The following RORA variants were observed in gnomAD, a reference collection of about 807,000 sequenced individuals.
RORA encodes the protein nuclear receptor ROR-alpha.
A neutral mutation model predicts 69.5 loss-of-function variants in RORA; 7 were observed. The observed-to-expected ratio is 0.10, with a 90% CI of 0.06 to 0.19. The LOEUF (loss-of-function observed/expected upper bound fraction) is 0.19, where lower values mean the gene tolerates loss of function less well. Ranked by LOEUF, RORA falls within the 10% of genes least tolerant of loss-of-function variation. The pLI, the probability that RORA is intolerant of heterozygous loss-of-function variation, is 1.00. For synonymous variants in RORA, 261 were observed against 240.8 expected (o/e 1.08, Z -0.78); for missense variants, 457 against 663.0 (o/e 0.69, Z 3.41).
intron 1 of RORA, among the ~76,000 whole-genome samples, chr15:61,228,354 C>G (rs557349072): frequency 6.6e-6 from 1 of 151,430 alleles, no homozygotes; most frequent in East Asian, 2.0e-4. Context: ...CATCTCCCCT[C>G]GCCGCGCCCG....
At chr15:60,798,579 C>G (rs1595722990) in intron 1 of RORA, among the ~76,000 whole-genome samples, 3 of 151,782 alleles carry the variant, frequency 2.0e-5, no homozygotes, top group Non-Finnish European at 2.9e-5. Context: ...GTGGGAAGAA[C>G]AGAGAGGACT....
chr15:60,776,973 A>G (rs926319428), intron 1 of RORA, among the ~76,000 whole-genome samples: 3 of 152,198 alleles, frequency 2.0e-5, no homozygotes, highest in African/African-American at 7.2e-5. Flanking sequence ...TGCTCCTCCA[A>G]GACATGAGTA....
chr15:60,920,152 A>C lies in RORA; in HGVS notation c.167-241466T>G, dbSNP rs530698125. Among the ~76,000 whole-genome samples, 8 of 152,336 alleles carry C rather than the reference A, an allele frequency of 5.3e-5. No individual in the cohort carries two copies. In the East Asian group the frequency reaches 1.5e-3, roughly 29 times the overall value. The stretch of plus-strand genomic sequence containing the variant: ...CCAAACATCCAAAGGACTTGGAGGC[A>C]GAAAAGAAAGCTTCCGGAGACCTTG... On this transcript the variant is annotated intron_variant, in intron 1 of 10. Coordinates refer to ENST00000335670, the MANE Select transcript of RORA (RefSeq NM_134261.3).
chr15:60,840,729 C>T (rs547722681), intron 1 of RORA, among the ~76,000 whole-genome samples: 2 of 152,208 alleles, frequency 1.3e-5, no homozygotes, highest in African/African-American at 2.4e-5. Flanking sequence ...CTGGACATCC[C>T]AGGAATGGGG....
intron 1 of RORA, among the ~76,000 whole-genome samples, chr15:61,059,333 G>C (rs1234233718): frequency 1.3e-5 from 2 of 152,222 alleles, no homozygotes; most frequent in East Asian, 1.9e-4. Flanking sequence ...TAGGCCAATG[G>C]GGCCATGTGT....
rs2065138297 is a variant in RORA, at chr15:60,495,242, T to C, written c.*2213A>G. 1 of 152,220 alleles carries C rather than the reference T, an allele frequency of 6.6e-6. No individual in the cohort carries two copies. Among genetic ancestry groups the C allele is most frequent in the Non-Finnish European group, 1.5e-5 (1 of 68,044 alleles). 9.4% of individuals were successfully genotyped at this position (152,220 alleles called of 1,614,324 possible). ...TTTCAGAGTATAAATACTACTGATC[T>C]TTAAAGGAACTATGCTTACTTAAAT... On this transcript the variant is annotated 3_prime_UTR_variant, in exon 11 of 11. Transcript: ENST00000335670.
At chr15:60,975,945 G>T (rs1425454798) in intron 1 of RORA, among the ~76,000 whole-genome samples, 2 of 152,108 alleles carry the variant, frequency 1.3e-5, no homozygotes, top group East Asian at 3.8e-4. Flanking sequence ...CTTGGGAGGG[G>T]ACCTTTCCAG....
intron 1 of RORA, among the ~76,000 whole-genome samples, chr15:60,968,589 G>T (rs1479804344): frequency 6.6e-6 from 1 of 152,084 alleles, no homozygotes; most frequent in Non-Finnish European, 1.5e-5. Context: ...TATACAAACT[G>T]GATATCAGGG....
Position 60,493,589 on chromosome 15 carries a change from A to G in RORA, c.*3866T>C, listed in dbSNP as rs1455058761. 2 of 152,224 alleles carry G rather than the reference A, an allele frequency of 1.3e-5. No homozygotes were observed. The highest frequency in any genetic ancestry group is 4.8e-5 in the African/African-American group (2 of 41,466). The allele number at this position is 152,224 out of a possible 1,614,324, so 9.4% of individuals were successfully genotyped here. A position where few individuals can be genotyped will look rare whatever the true frequency, so the allele number is the denominator to read the frequency against. On this transcript the variant is annotated 3_prime_UTR_variant, in exon 11 of 11. Coordinates refer to ENST00000335670, the MANE Select transcript of RORA (RefSeq NM_134261.3). ...TACTATGGCACATTCAATGAAATAA[A>G]AAGTTTTCCAAAGACAGATAGACAA...
At chr15:60,792,243 T>A (rs1477013967) in intron 1 of RORA, among the ~76,000 whole-genome samples, 2 of 152,108 alleles carry the variant, frequency 1.3e-5, no homozygotes, top group Non-Finnish European at 2.9e-5. Flanking sequence ...TAATAGAAAG[T>A]ATTCAATCTT....
intron 1 of RORA, among the ~76,000 whole-genome samples, chr15:60,900,585 C>G (rs1441666062): frequency 9.9e-5 from 15 of 152,056 alleles, no homozygotes; most frequent in Admixed American, 8.5e-4. Context: ...AAAATGAGGA[C>G]CATATGGGCT....
chr15:60,880,806 G>A (rs2073670550), intron 1 of RORA, among the ~76,000 whole-genome samples: 1 of 152,094 alleles, frequency 6.6e-6, no homozygotes, highest in East Asian at 1.9e-4. Context: ...ATAACACAAA[G>A]AAATTAAATT....
intron 1 of RORA, among the ~76,000 whole-genome samples, chr15:61,174,221 T>C (rs1389552741): frequency 6.6e-6 from 1 of 152,206 alleles, no homozygotes; most frequent in Non-Finnish European, 1.5e-5. Flanking sequence ...AAGCCTTCTC[T>C]GCTGGCTTCT....
intron 2 of RORA, among the ~76,000 whole-genome samples, chr15:60,639,998 G>A (rs1235602117): frequency 6.6e-6 from 1 of 152,130 alleles, no homozygotes; most frequent in African/African-American, 2.4e-5. Flanking sequence ...CGTGGAGGGA[G>A]ACTGTGAGAT....
chr15:60,792,191 A>G (rs1224231520), intron 1 of RORA, among the ~76,000 whole-genome samples: 2 of 152,216 alleles, frequency 1.3e-5, no homozygotes, highest in Non-Finnish European at 2.9e-5. Flanking sequence ...TTAACAGCAG[A>G]CTGGAGATGG....
chr15:60,910,716 A>T (rs1421618303), intron 1 of RORA, among the ~76,000 whole-genome samples: 1 of 152,198 alleles, frequency 6.6e-6, no homozygotes, highest in Non-Finnish European at 1.5e-5. Flanking sequence ...CCATGGAATC[A>T]CATGGCTTCT....
intron 1 of RORA, among the ~76,000 whole-genome samples, chr15:61,120,633 G>A (rs369782412): frequency 3.3e-5 from 5 of 149,772 alleles, no homozygotes; most frequent in Non-Finnish European, 7.4e-5. Context: ...CCCGGGAGGC[G>A]GAGCTTGCAG....
chr15:60,614,375 C>T (rs978358835), intron 2 of RORA, among the ~76,000 whole-genome samples: 10 of 152,016 alleles, frequency 6.6e-5, no homozygotes, highest in African/African-American at 2.4e-4. Flanking sequence ...GACCCTAAAT[C>T]GAAATAAAAA....
intron 1 of RORA, among the ~76,000 whole-genome samples, chr15:61,102,340 T>C (rs1179984710): frequency 6.6e-6 from 1 of 152,150 alleles, no homozygotes; most frequent in Non-Finnish European, 1.5e-5. Context: ...TGTCTCTGTC[T>C]CTTCCTTGAG....
Sources: allele counts gnomAD v4.1 joint callset (sites outside exome capture counted in the v4.1 genomes callset), GRCh38; gene constraint gnomAD v4.1.1; transcripts MANE v1.5; gene names NCBI Gene and HGNC (gene_info 2026-07-23, HGNC 2026-07-21).